Variants in GADL1 observed in about 807,000 individuals in gnomAD.
GADL1 encodes acidic amino acid decarboxylase GADL1.
In GADL1, 71 loss-of-function variants were observed where a neutral mutation model predicts 69.5. The observed-to-expected ratio is 1.02, with a 90% CI of 0.84 to 1.25. The LOEUF (loss-of-function observed/expected upper bound fraction) is 1.25. Among genes scored for constraint, GADL1 ranks in the 50% most tolerant of loss-of-function variants. The pLI is 0.00. For missense variants in GADL1, 737 were observed against 631.8 expected (o/e 1.17, Z -1.79); for synonymous variants, 254 against 214.4 (o/e 1.18, Z -1.62).
At chr3:30,830,838 T>C (rs1697776094) in intron 11 of GADL1, among the ~76,000 whole-genome samples, 1 of 152,102 alleles carries the variant, frequency 6.6e-6, no homozygotes, top group East Asian at 1.9e-4. Context: ...AAAAGGTGTT[T>C]CACTCTCAAC....
At chr3:30,746,713 A>G (rs1459261206) in intron 14 of GADL1, among the ~76,000 whole-genome samples, 1 of 152,194 alleles carries the variant, frequency 6.6e-6, no homozygotes, top group South Asian at 2.1e-4. Flanking sequence ...AGAAATGCCA[A>G]CACATAAAAG....
At chr3:30,890,884 A>G (rs979356171) in intron 1 of GADL1, among the ~76,000 whole-genome samples, 1 of 152,204 alleles carries the variant, frequency 6.6e-6, no homozygotes, top group Non-Finnish European at 1.5e-5. Context: ...TGCATTGTGC[A>G]TATTATTCCT....
intron 11 of GADL1, among the ~76,000 whole-genome samples, chr3:30,805,733 C>CTTT (rs1697240508): frequency 1.3e-5 from 1 of 75,692 alleles, no homozygotes; most frequent in Non-Finnish European, 2.3e-5. Context: ...CAGTCCCCAG[C>CTTT]CTTTTTTTTT....
At chr3:30,797,151 T>G (rs967627896) in intron 12 of GADL1, among the ~76,000 whole-genome samples, 1 of 152,166 alleles carries the variant, frequency 6.6e-6, no homozygotes, top group Non-Finnish European at 1.5e-5. Context: ...CATGGCCATC[T>G]CAAGAATGCG....
intron 14 of GADL1, among the ~76,000 whole-genome samples, chr3:30,774,342 C>T (rs1696486622): frequency 6.6e-6 from 1 of 152,142 alleles, no homozygotes; most frequent in Admixed American, 6.5e-5. Context: ...TATTCAAGCG[C>T]AGAACCTAAC....
intron 11 of GADL1, among the ~76,000 whole-genome samples, chr3:30,806,052 G>A (rs1351700266): frequency 2.0e-5 from 3 of 151,976 alleles, no homozygotes; most frequent in African/African-American, 7.3e-5. Context: ...AACCGGTACA[G>A]GTCTGTGGCC....
intron 14 of GADL1, among the ~76,000 whole-genome samples, chr3:30,777,716 A>G (rs1488871423): frequency 6.6e-6 from 1 of 152,240 alleles, no homozygotes; most frequent in East Asian, 1.9e-4. Flanking sequence ...ACTGCTTAGC[A>G]TCTCTTTTCT....
chr3:30,877,285 A>C (rs928994990), intron 1 of GADL1, among the ~76,000 whole-genome samples: 1 of 151,920 alleles, frequency 6.6e-6, no homozygotes, highest in Admixed American at 6.6e-5. Flanking sequence ...ACTAACACAC[A>C]TGAAACAATA....
chr3:30,878,519 T>C (rs1478667942), intron 1 of GADL1, among the ~76,000 whole-genome samples: 1 of 151,978 alleles, frequency 6.6e-6, no homozygotes, highest in Non-Finnish European at 1.5e-5. Context: ...ATACTTTGGC[T>C]TAAATTATAA....
chr3:30,894,038 C>CA (rs1172776320), intron 1 of GADL1, among the ~76,000 whole-genome samples: 1 of 152,214 alleles, frequency 6.6e-6, no homozygotes, highest in Admixed American at 6.5e-5. Flanking sequence ...GTTATAAAGA[C>CA]AGTTTGGAGG....
At chr3:30,793,551 AAG>A (rs539115359) in intron 12 of GADL1, among the ~76,000 whole-genome samples, 322 of 152,276 alleles carry the variant, frequency 2.1e-3, no homozygotes, top group South Asian at 0.02. Flanking sequence ...CTTGGCATAA[AAG>A]AGAGAAAAAA....
intron 12 of GADL1, among the ~76,000 whole-genome samples, chr3:30,796,536 ATAAT>A (rs1371893941): frequency 1.3e-5 from 2 of 152,216 alleles, no homozygotes; most frequent in Admixed American, 6.5e-5. Flanking sequence ...TCACTCTCAA[ATAAT>A]TAAACTTTCC....
chr3:30,786,865 T>C (rs1324469152), intron 12 of GADL1, among the ~76,000 whole-genome samples: 2 of 152,234 alleles, frequency 1.3e-5, no homozygotes, highest in Non-Finnish European at 2.9e-5. Context: ...TAATCTTTTC[T>C]AAGTCCAGCA....
chr3:30,736,404 G>A (rs553158563), intron 14 of GADL1, among the ~76,000 whole-genome samples: 30 of 152,136 alleles, frequency 2.0e-4, no homozygotes, highest in Middle Eastern at 3.4e-3. Flanking sequence ...GGGTCCTTAT[G>A]TGGACTAAAT....
intron 11 of GADL1, among the ~76,000 whole-genome samples, chr3:30,819,654 A>G (rs1304652): frequency 0.058 from 8,894 of 152,172 alleles, 645 homozygotes; most frequent in African/African-American, 0.16. Flanking sequence ...GGAGAAAATG[A>G]ATATTAATTA....
chr3:30,846,993 T>A (rs1698069509), intron 6 of GADL1, among the ~76,000 whole-genome samples: 1 of 152,188 alleles, frequency 6.6e-6, no homozygotes, highest in East Asian at 1.9e-4. Context: ...AGGTAAGGGT[T>A]TCTTTTTACC....
At chr3:30,839,324 G>A (rs745505364) in intron 8 of GADL1, among the ~76,000 whole-genome samples, 8 of 151,870 alleles carry the variant, frequency 5.3e-5, no homozygotes, top group Non-Finnish European at 8.8e-5. Context: ...TATGGCAATA[G>A]CATTTTCTGT....
chr3:30,785,769 C>T (rs1264235805), intron 13 of GADL1, among the ~76,000 whole-genome samples: 1 of 152,098 alleles, frequency 6.6e-6, no homozygotes, highest in Non-Finnish European at 1.5e-5. Flanking sequence ...TATACTATAA[C>T]AAAATCTAAG....
chr3:30,757,694 TAGTAGATCAGATTCACAAA>T (rs1696010908), intron 14 of GADL1, among the ~76,000 whole-genome samples: 1 of 152,122 alleles, frequency 6.6e-6, no homozygotes, highest in Non-Finnish European at 1.5e-5. Flanking sequence ...TTCTTGGGAT[TAGTAGATCAGATTCACAAA>T]ATCACAAGAA....
Sources: gnomAD v4.1 joint callset for allele counts (sites outside exome capture counted in the v4.1 genomes callset) on GRCh38, gnomAD v4.1.1 for gene constraint, MANE v1.5 for transcripts, NCBI Gene and HGNC (gene_info 2026-07-23, HGNC 2026-07-21) for gene names.